DNM2: variants seen among roughly 807,000 people sequenced by gnomAD.
The protein encoded by DNM2 is dynamin 2, also known as dynamin-2.
Under a neutral mutation model 99.0 loss-of-function variants are expected in DNM2, and 15 were observed. The observed-to-expected ratio is 0.15, with a 90% CI of 0.10 to 0.23. The LOEUF (loss-of-function observed/expected upper bound fraction) is 0.23, where lower values mean the gene tolerates loss of function less well. Among genes scored for constraint, DNM2 ranks in the 10% least tolerant of loss-of-function variants. The pLI, the probability that DNM2 is intolerant of heterozygous loss-of-function variation, is 1.00. For synonymous variants in DNM2, 525 were observed against 481.2 expected, an observed-to-expected ratio of 1.09 and a Z score of -1.19; for missense variants, 742 against 1,189.4, an observed-to-expected ratio of 0.62 and a Z score of 5.53.
rs1037735443 is a variant in DNM2 at position 10,808,476 on chromosome 19, C to T, written c.1546-93C>T. The stretch of plus-strand genomic sequence containing the variant: ...TTCTCCTGTTTTTGTGCTTTTCCTG[C>T]TTTTTCTTTGTCCCCTTCACGTCCC... On this transcript the variant is annotated intron_variant, in intron 13 of 20. Transcript: ENST00000389253. The T allele has an allele frequency of 2.1e-6, 3 of 1,433,248 alleles. No homozygotes were observed. In the African/African-American group the frequency reaches 4.3e-5, roughly 20 times the overall value. 88.8% of individuals were successfully genotyped at this position (1,433,248 alleles called of 1,614,324 possible). A position where few individuals can be genotyped will look rare whatever the true frequency, so the allele number is the denominator to read the frequency against.
chr19:10,773,622 T>A (rs899878953), intron 3 of DNM2, among the ~76,000 whole-genome samples: 15 of 151,726 alleles, frequency 9.9e-5, no homozygotes, highest in East Asian at 5.8e-4. Flanking sequence ...CTAATTTTTT[T>A]TTTATTTTTT....
chr19:10,813,762 G>A (rs975678256), intron 15 of DNM2, among the ~76,000 whole-genome samples: 2 of 151,630 alleles, frequency 1.3e-5, no homozygotes, highest in Non-Finnish European at 2.9e-5. Flanking sequence ...GGAGATGGAG[G>A]CTGTGGTGAG....
chr19:10,759,520 T>G, intron 1 of DNM2: 1 of 606,444 alleles, frequency 1.6e-6, no homozygotes, highest in Non-Finnish European at 3.0e-6. Flanking sequence ...CAGAGGGAAA[T>G]GGTTCTGGTC....
chr19:10,801,710 G>A (rs2072150396), intron 11 of DNM2, among the ~76,000 whole-genome samples: 1 of 151,070 alleles, frequency 6.6e-6, no homozygotes, highest in Non-Finnish European at 1.5e-5. Flanking sequence ...TTCGAGACCA[G>A]CCTGACCAAC....
chr19:10,827,490 G>A (rs1281913686), intron 18 of DNM2, among the ~76,000 whole-genome samples: 1 of 151,570 alleles, frequency 6.6e-6, no homozygotes, highest in African/African-American at 2.4e-5. Context: ...GATCACTTGA[G>A]CCCAGGAGAT....
At chr19:10,807,539 C>CTTTTTTTTT (rs763788862) in intron 13 of DNM2, among the ~76,000 whole-genome samples, 1 of 91,212 alleles carries the variant, frequency 1.1e-5, no homozygotes, top group Non-Finnish European at 2.0e-5. Flanking sequence ...CACGTCCAGC[C>CTTTTTTTTT]TTTTTTTTTT....
Position 10,764,359 on chromosome 19 carries a change from C to T in DNM2, c.235+4548C>T, listed in dbSNP as rs1265263735. ...GACAGGGCCCCCAGGGCGCAGCCCACGTTCCCCTCTGGTTCCCGCAGCTTG... is the reference window on the plus strand; with the variant it reads ...GACAGGGCCCCCAGGGCGCAGCCCATGTTCCCCTCTGGTTCCCGCAGCTTG... On this transcript the variant is annotated intron_variant, in intron 2 of 20. Coordinates refer to ENST00000389253, the MANE Select transcript of DNM2 (RefSeq NM_001005361.3). This position sits in a 1 kb window ranked among gnomAD's most constrained non-coding sequence, Gnocchi z 4.1. Among the ~76,000 whole-genome samples the T allele has an allele frequency of 6.6e-6, 1 of 152,234 alleles. No homozygotes were observed. The highest frequency in any genetic ancestry group is 2.4e-5 in the African/African-American group (1 of 41,460).
At chr19:10,751,124 G>T (rs1122245) in intron 1 of DNM2, among the ~76,000 whole-genome samples, 4 of 151,794 alleles carry the variant, frequency 2.6e-5, no homozygotes, top group Non-Finnish European at 5.9e-5. Context: ...TGAGGCATGG[G>T]GGGTGGAGGT....
rs965507405 is a variant in DNM2 at position 10,830,630 on chromosome 19, G to A, written c.2543+252G>A. On this transcript the variant is annotated intron_variant, in intron 20 of 20. Coordinates refer to ENST00000389253, the MANE Select transcript of DNM2 (RefSeq NM_001005361.3). The surrounding 1 kb of genome is among the most constrained non-coding windows in gnomAD (Gnocchi z 4.8). ...TCTGCCTACTGGGGTGTGCCACCAGGCAGCTGGGGAACCCTCACACTGGGC... is the reference window on the plus strand; with the variant it reads ...TCTGCCTACTGGGGTGTGCCACCAGACAGCTGGGGAACCCTCACACTGGGC... 2 of 596,232 alleles carry A rather than the reference G, an allele frequency of 3.4e-6. No individual in the cohort carries two copies. Among genetic ancestry groups the A allele is most frequent in the Non-Finnish European group, 5.9e-6 (2 of 340,254 alleles). The allele number at this position is 596,232 out of a possible 1,614,324, so 36.9% of individuals were successfully genotyped here. A position where few individuals can be genotyped will look rare whatever the true frequency, so the allele number is the denominator to read the frequency against.
intron 12 of DNM2, 78 bp from the exon 13 acceptor site, chr19:10,805,838 A>G: frequency 6.3e-7 from 1 of 1,592,462 alleles, no homozygotes; most frequent in Non-Finnish European, 8.6e-7. Flanking sequence ...CCAGGGAGAG[A>G]ACGGCCACAT....
intron 5 of DNM2, among the ~76,000 whole-genome samples, chr19:10,782,063 C>T (rs914258843): frequency 2.0e-5 from 3 of 152,078 alleles, no homozygotes; most frequent in African/African-American, 7.2e-5. Context: ...GACAAGGCCT[C>T]GCTCTGTTGC....
chr19:10,772,839 T>C lies in DNM2; in HGVS notation c.385+211T>C, dbSNP rs184159588. Among the ~76,000 whole-genome samples the C allele has an allele frequency of 6.6e-6, 1 of 152,272 alleles. No homozygotes were observed. Among genetic ancestry groups the C allele is most frequent in the Admixed American group, 6.5e-5 (1 of 15,270 alleles). On this transcript the variant is annotated intron_variant, in intron 3 of 20. Transcript: ENST00000389253. This position sits in a 1 kb window ranked among gnomAD's most constrained non-coding sequence, Gnocchi z 4.9. ...TCTGTCTCAGCTTGAAGAAAGAGCA[T>C]GCCAAGAAGTTGTTTGGAGTGGTGG...
intron 7 of DNM2, among the ~76,000 whole-genome samples, chr19:10,788,042 G>T (rs572226808): frequency 2.4e-4 from 36 of 151,716 alleles, no homozygotes; most frequent in African/African-American, 8.5e-4. Flanking sequence ...GACCAGCCTG[G>T]CCAACATGGT....
At chr19:10,758,255 CTCCTTCCTTCCCTCCT>C (rs2070469391) in intron 1 of DNM2, among the ~76,000 whole-genome samples, 2 of 146,508 alleles carry the variant, frequency 1.4e-5, no homozygotes, top group African/African-American at 2.5e-5. Context: ...TCTTCCTTCC[CTCCTTCCTTCCCTCCT>C]TCCTTCCCTC....
intron 2 of DNM2, among the ~76,000 whole-genome samples, chr19:10,769,057 G>T (rs1407538991): frequency 6.6e-6 from 1 of 152,102 alleles, no homozygotes; most frequent in African/African-American, 2.4e-5. Context: ...TGTGCTGGGG[G>T]AACGATGGCG....
chr19:10,748,102 C>T (rs2070059541), intron 1 of DNM2, among the ~76,000 whole-genome samples: 1 of 152,034 alleles, frequency 6.6e-6, no homozygotes. Context: ...GCTTGGGGGG[C>T]TGCAGGGAAA....
rs772950077 is a variant in DNM2, at chr19:10,830,964, T to C, written c.2544-14T>C. On this transcript the variant is annotated splice_polypyrimidine_tract_variant and intron_variant, in intron 20 of 20. Coordinates refer to ENST00000389253, the MANE Select transcript of DNM2 (RefSeq NM_001005361.3). This position sits in a 1 kb window ranked among gnomAD's most constrained non-coding sequence, Gnocchi z 4.8. ...CCGTCTCCCCCTCCCCACCTGTCTT[T>C]ATTCTCTTTGCAGCAGAAGACCCCC... 1.2e-6 allele frequency: 2 copies of C among 1,610,088 alleles called. No homozygotes were observed. Among genetic ancestry groups the C allele is most frequent in the South Asian group, 2.2e-5 (2 of 90,194 alleles).
rs1437296623 is a variant in DNM2, at chr19:10,825,204, C to T, written c.2041C>T (p.His681Tyr). Residue 681 changes from histidine (H) to tyrosine (Y), a missense_variant, in exon 18 of 21, where the codon CAC becomes TAC. By Grantham distance (83) the His-to-Tyr change is moderately conservative. Coordinates refer to ENST00000389253, the MANE Select transcript of DNM2 (RefSeq NM_001005361.3). ...IRDLMPKTIM[H>Y]LMINNTKAFI... ...CGACCTCATGCCAAAGACCATCATG[C>T]ACCTCATGATCAACAATGTGAGTGG... is the stretch of plus-strand genomic sequence containing the variant. 4 of 1,614,148 alleles carry T rather than the reference C, an allele frequency of 2.5e-6. No homozygotes were observed. The highest frequency in any genetic ancestry group is 3.4e-6 in the Non-Finnish European group (4 of 1,179,980).
At chr19:10,776,191 C>G (rs1216449701) in intron 4 of DNM2, among the ~76,000 whole-genome samples, 4 of 152,198 alleles carry the variant, frequency 2.6e-5, no homozygotes, top group African/African-American at 9.7e-5. Context: ...GCTCCATCGC[C>G]CAGATGCGAT....
Sources: gnomAD v4.1 joint callset for allele counts (sites outside exome capture counted in the v4.1 genomes callset) on GRCh38, gnomAD v4.1.1 for gene constraint, Gnocchi (gnomAD v3.1) non-coding constraint, MANE v1.5 for transcripts, NCBI Gene and HGNC (gene_info 2026-07-23, HGNC 2026-07-21) for gene names.